Variants in MAGI2 observed in about 807,000 individuals in gnomAD.
The protein encoded by MAGI2 is membrane associated guanylate kinase, WW and PDZ domain containing 2.
Under a neutral mutation model 133.3 loss-of-function variants are expected in MAGI2, and 35 were observed. The ratio of observed to expected loss-of-function variants is 0.26; its 90% CI spans 0.20 to 0.35. The LOEUF (loss-of-function observed/expected upper bound fraction) is 0.35. Among genes scored for constraint, MAGI2 ranks in the 10% least tolerant of loss-of-function variants. The probability of loss-of-function intolerance (pLI) is 1.00; values close to 1 mark genes in which losing one functional copy is unlikely to be tolerated. For synonymous variants in MAGI2, 729 were observed against 710.6 expected (o/e 1.03, Z -0.41); for missense variants, 1,636 against 1,863.4 (o/e 0.88, Z 2.25).
chr7:79,066,902 A>G (rs1331209189), intron 1 of MAGI2, among the ~76,000 whole-genome samples: 1 of 152,152 alleles, frequency 6.6e-6, no homozygotes, highest in Non-Finnish European at 1.5e-5. Flanking sequence ...CATATTTGTC[A>G]AAAAACAGAT....
intron 2 of MAGI2, among the ~76,000 whole-genome samples, chr7:78,786,624 T>A (rs1389304391): frequency 1.3e-5 from 2 of 152,212 alleles, no homozygotes; most frequent in East Asian, 3.9e-4. Flanking sequence ...GCCCTCTGCC[T>A]AGAACGGTCT....
chr7:78,371,932 A>AC (rs1453298840), intron 6 of MAGI2, among the ~76,000 whole-genome samples: 1 of 152,098 alleles, frequency 6.6e-6, no homozygotes, highest in Non-Finnish European at 1.5e-5. Flanking sequence ...TAGAAAGAGC[A>AC]CCATTTGTTT....
At chr7:79,015,658 T>A (rs1377650011) in intron 1 of MAGI2, among the ~76,000 whole-genome samples, 4 of 152,144 alleles carry the variant, frequency 2.6e-5, no homozygotes, top group Non-Finnish European at 5.9e-5. Flanking sequence ...AAATGCGGAA[T>A]GTGTCCCAAA....
intron 1 of MAGI2, among the ~76,000 whole-genome samples, chr7:79,312,116 C>A (rs1838335525): frequency 2.0e-5 from 3 of 152,170 alleles, no homozygotes; most frequent in Admixed American, 2.0e-4. Flanking sequence ...AAAGCCAAAC[C>A]TTTATAATGC....
chr7:78,810,943 T>A (rs1464486837), intron 2 of MAGI2, among the ~76,000 whole-genome samples: 1 of 152,048 alleles, frequency 6.6e-6, no homozygotes, highest in East Asian at 1.9e-4. Context: ...AATTATAAGA[T>A]ATAAACATAT....
intron 3 of MAGI2, among the ~76,000 whole-genome samples, chr7:78,599,813 A>G (rs1328532722): frequency 6.6e-6 from 1 of 152,164 alleles, no homozygotes; most frequent in Non-Finnish European, 1.5e-5. Context: ...CAGGTTATCT[A>G]TGCCTACCAG....
At chr7:79,054,120 C>T (rs1326865069) in intron 1 of MAGI2, among the ~76,000 whole-genome samples, 9 of 152,156 alleles carry the variant, frequency 5.9e-5, no homozygotes, top group Non-Finnish European at 7.4e-5. Context: ...CGCTTGAACC[C>T]GGGAGGCAGA....
chr7:78,980,761 G>A (rs867891243), intron 2 of MAGI2, among the ~76,000 whole-genome samples: 13 of 151,518 alleles, frequency 8.6e-5, no homozygotes, highest in Admixed American at 2.6e-4. Flanking sequence ...TTCCTTCTTG[G>A]TTCAGTTTCG....
At chr7:78,807,883 GA>G (rs1371518470) in intron 2 of MAGI2, among the ~76,000 whole-genome samples, 1 of 151,824 alleles carries the variant, frequency 6.6e-6, no homozygotes, top group African/African-American at 2.4e-5. Context: ...TACAACAGAT[GA>G]AGAAACTTAG....
In MAGI2 at chr7:78,019,980, T is replaced by A. The variant is rs1184879138; in HGVS notation, c.3707-4A>T. The A allele has an allele frequency of 1.2e-6, 2 of 1,600,662 alleles. No homozygotes were observed. The highest frequency in any genetic ancestry group is 1.7e-6 in the Non-Finnish European group (2 of 1,175,558). On this transcript the variant is annotated splice_polypyrimidine_tract_variant and splice_region_variant and intron_variant, in intron 21 of 21. Coordinates refer to ENST00000354212, the MANE Select transcript of MAGI2 (RefSeq NM_012301.4). ...GAACTCCAGGGGGCGGGTTCGTCTG[T>A]GGACGGGAAGCACAGGCGTTAGCAG... is the stretch of plus-strand genomic sequence containing the variant.
chr7:78,494,105 T>A (rs1294362527), intron 5 of MAGI2, among the ~76,000 whole-genome samples: 1 of 152,046 alleles, frequency 6.6e-6, no homozygotes. Flanking sequence ...GCCTCCCAAG[T>A]AGCTGGGACT....
intron 20 of MAGI2, among the ~76,000 whole-genome samples, chr7:78,106,245 T>C (rs935883955): frequency 6.6e-6 from 1 of 152,160 alleles, no homozygotes; most frequent in African/African-American, 2.4e-5. Flanking sequence ...TACCACATTT[T>C]TTTATTCATC....
chr7:78,501,062 T>C (rs1001378838), intron 5 of MAGI2, among the ~76,000 whole-genome samples: 1 of 152,192 alleles, frequency 6.6e-6, no homozygotes, highest in African/African-American at 2.4e-5. Context: ...CATTCTAGCC[T>C]GGGCGACAGA....
At chr7:78,474,847 G>A (rs111513694) in intron 6 of MAGI2, among the ~76,000 whole-genome samples, 7,859 of 151,290 alleles carry the variant, frequency 0.052, 258 homozygotes, top group East Asian at 0.089. Context: ...AACTTAAAAC[G>A]TGCTCTCACA....
At chr7:79,449,205 A>G (rs1274631607) in intron 1 of MAGI2, among the ~76,000 whole-genome samples, 1 of 152,176 alleles carries the variant, frequency 6.6e-6, no homozygotes, top group Non-Finnish European at 1.5e-5. Context: ...TCAGTCAAGA[A>G]GAAAGTATGA....
intron 6 of MAGI2, among the ~76,000 whole-genome samples, chr7:78,418,656 G>A (rs1798514699): frequency 6.6e-6 from 1 of 152,080 alleles, no homozygotes; most frequent in Non-Finnish European, 1.5e-5. Flanking sequence ...GGACAGTACA[G>A]AACTAGATAG....
At chr7:78,101,113 T>A (rs6948825) in intron 20 of MAGI2, among the ~76,000 whole-genome samples, 105,599 of 152,044 alleles carry the variant, frequency 0.69, 36,695 homozygotes, top group East Asian at 0.71. Context: ...AATATTGTTA[T>A]AATGTCCATA....
At chr7:79,085,375 A>G (rs1816396679) in intron 1 of MAGI2, among the ~76,000 whole-genome samples, 1 of 151,682 alleles carries the variant, frequency 6.6e-6, no homozygotes, top group African/African-American at 2.4e-5. Context: ...TTGTCAAGAC[A>G]TTATTTTTGT....
At chr7:79,271,997 C>T (rs971984154) in intron 1 of MAGI2, among the ~76,000 whole-genome samples, 8 of 151,982 alleles carry the variant, frequency 5.3e-5, no homozygotes, top group African/African-American at 1.9e-4. Context: ...AGGTTTACTG[C>T]AGAGTAATTT....
Sources: allele counts gnomAD v4.1 joint callset (sites outside exome capture counted in the v4.1 genomes callset), GRCh38; gene constraint gnomAD v4.1.1; transcripts MANE v1.5; gene names NCBI Gene and HGNC (gene_info 2026-07-23, HGNC 2026-07-21).